Variants in RP1 observed in about 807,000 individuals in gnomAD.
RP1 encodes the protein RP1 axonemal microtubule associated.
Under a neutral mutation model 14.8 loss-of-function variants are expected in RP1, and 16 were observed. The ratio of observed to expected loss-of-function variants is 1.08; its 90% confidence interval spans 0.73 to 1.65. The LOEUF is 1.65. Among genes scored for constraint, RP1 ranks in the 40% most tolerant of loss-of-function variants. The pLI, the probability that RP1 is intolerant of heterozygous loss-of-function variation, is 0.00. For synonymous variants in RP1, 876 were observed against 883.6 expected (o/e 0.99, Z 0.15); for missense variants, 2,631 against 2,535.0 (o/e 1.04, Z -0.81).
In RP1 at chr8:54,559,713, A is replaced by G. The variant is rs531233464; in HGVS notation, c.-13+393A>G. ...CCTGGAGGGTGATGAACAGAACAAC[A>G]GCATGATCCGTCTTAGGTTTTCCGG... is the stretch of plus-strand genomic sequence containing the variant. On this transcript the variant is annotated intron_variant, in intron 1 of 22. Coordinates refer to the RP1 transcript ENST00000636932. Among the ~76,000 whole-genome samples the G allele has an allele frequency of 1.8e-3, 267 of 152,328 alleles. 2 individuals are homozygous for G. Among genetic ancestry groups the G allele is most frequent in the Non-Finnish European group, 3.2e-3 (220 of 68,034 alleles).
intron 1 of RP1, among the ~76,000 whole-genome samples, chr8:54,584,779 T>G (rs1804879599): frequency 6.6e-6 from 1 of 152,224 alleles, no homozygotes; most frequent in African/African-American, 2.4e-5. Context: ...TCTTTTGATC[T>G]TTGTTGGTTT....
chr8:54,577,235 C>T (rs948410053), intron 1 of RP1, among the ~76,000 whole-genome samples: 1 of 152,114 alleles, frequency 6.6e-6, no homozygotes. Context: ...AACCTGGTCT[C>T]GAACTCCTGA....
At chr8:54,736,633 T>A (rs1351916606) in intron 18 of RP1, among the ~76,000 whole-genome samples, 1 of 152,134 alleles carries the variant, frequency 6.6e-6, no homozygotes, top group African/African-American at 2.4e-5. Flanking sequence ...CTGGCCTCTG[T>A]CATTTACTGT....
At chr8:54,656,094 T>A in exon 6 of RP1, 2 of 1,530,136 alleles carry the variant, frequency 1.3e-6, no homozygotes, top group Non-Finnish European at 1.8e-6. Context: ...TACAGCTGCA[T>A]AATATGAATT....
chr8:54,788,105 G>A, intron 24 of RP1, among the ~76,000 whole-genome samples: 1 of 152,160 alleles, frequency 6.6e-6, no homozygotes, highest in East Asian at 1.9e-4. Flanking sequence ...ATAGGATGGG[G>A]TTTAAGATAA....
intron 18 of RP1, among the ~76,000 whole-genome samples, chr8:54,735,293 G>A (rs1808890976): frequency 6.6e-6 from 1 of 152,138 alleles, no homozygotes; most frequent in Non-Finnish European, 1.5e-5. Flanking sequence ...TAGAGTCAGA[G>A]AGCACTGGGC....
intron 19 of RP1, among the ~76,000 whole-genome samples, chr8:54,739,951 G>T (rs1463670746): frequency 6.6e-6 from 1 of 151,816 alleles, no homozygotes; most frequent in Non-Finnish European, 1.5e-5. Flanking sequence ...CTACTGTGCT[G>T]CCAGTTGTGT....
chr8:54,768,722 C>T (rs954980415), intron 22 of RP1, among the ~76,000 whole-genome samples: 5 of 152,102 alleles, frequency 3.3e-5, no homozygotes, highest in Non-Finnish European at 7.4e-5. Context: ...GATCACAAAG[C>T]CAGTAAATGG....
intron 12 of RP1, among the ~76,000 whole-genome samples, chr8:54,689,116 C>G (rs996140853): frequency 6.6e-6 from 1 of 152,100 alleles, no homozygotes; most frequent in Non-Finnish European, 1.5e-5. Context: ...GTCTCTTTGT[C>G]TGTTATTGAT....
At chr8:54,607,602 T>A (rs982402509) in intron 1 of RP1, among the ~76,000 whole-genome samples, 2 of 152,146 alleles carry the variant, frequency 1.3e-5, no homozygotes, top group African/African-American at 4.8e-5. Context: ...TCTGCATAGG[T>A]TTCTGCTGCC....
intron 16 of RP1, among the ~76,000 whole-genome samples, chr8:54,720,663 C>T (rs1246539787): frequency 6.6e-6 from 1 of 152,008 alleles, no homozygotes; most frequent in Non-Finnish European, 1.5e-5. Flanking sequence ...AGATTCATTG[C>T]TATTAATTTT....
intron 24 of RP1, among the ~76,000 whole-genome samples, chr8:54,808,298 G>A (rs748537873): frequency 5.3e-5 from 8 of 152,168 alleles, no homozygotes; most frequent in East Asian, 3.9e-4. Flanking sequence ...TGACTTCCCC[G>A]CGGCTCTGCA....
intron 22 of RP1, chr8:54,759,118 C>T: frequency 6.8e-7 from 1 of 1,479,160 alleles, no homozygotes; most frequent in Non-Finnish European, 9.0e-7. Context: ...GTATGCTGCA[C>T]TGTGGATGAT....
intron 24 of RP1, among the ~76,000 whole-genome samples, chr8:54,786,514 A>G (rs146070583): frequency 4.8e-4 from 73 of 151,940 alleles, no homozygotes; most frequent in Middle Eastern, 3.4e-3. Flanking sequence ...ACTATTGTGG[A>G]GTTGGGGAGG....
chr8:54,785,686 T>C (rs1810300433), intron 24 of RP1, among the ~76,000 whole-genome samples: 2 of 152,104 alleles, frequency 1.3e-5, no homozygotes, highest in Admixed American at 6.6e-5. Context: ...CACATCTTTA[T>C]TGACATTCGA....
At chr8:54,686,828 T>A (rs1422573609) in intron 12 of RP1, among the ~76,000 whole-genome samples, 8 of 152,268 alleles carry the variant, frequency 5.3e-5, no homozygotes, top group South Asian at 2.1e-4. Flanking sequence ...ATAGTTTTTT[T>A]AATTTTATAA....
chr8:54,859,763 G>A (rs946891120), intron 27 of RP1, among the ~76,000 whole-genome samples: 17 of 152,230 alleles, frequency 1.1e-4, no homozygotes, highest in African/African-American at 4.1e-4. Flanking sequence ...CTTTTATGAA[G>A]GATGGAAACT....
At chr8:54,568,544 A>C (rs991495292) in intron 1 of RP1, among the ~76,000 whole-genome samples, 5 of 152,192 alleles carry the variant, frequency 3.3e-5, no homozygotes, top group Non-Finnish European at 7.3e-5. Flanking sequence ...TAGTGTGATA[A>C]GTGTGGGACT....
At chr8:54,605,896 A>C (rs1051976640) in intron 1 of RP1, among the ~76,000 whole-genome samples, 1 of 150,450 alleles carries the variant, frequency 6.6e-6, no homozygotes, top group African/African-American at 2.5e-5. Context: ...TGCTTGGTAG[A>C]TCTTCCTCCA....
Sources: gnomAD v4.1 joint callset for allele counts (sites outside exome capture counted in the v4.1 genomes callset) on GRCh38, gnomAD v4.1.1 for gene constraint, MANE v1.5 for transcripts, NCBI Gene and HGNC (gene_info 2026-07-23, HGNC 2026-07-21) for gene names.